The following SEMA6D variants were observed in gnomAD, a reference collection of about 807,000 sequenced individuals.
The protein encoded by SEMA6D is semaphorin-6D.
In SEMA6D, 35 loss-of-function variants were observed where a neutral mutation model predicts 106.6. The ratio of observed to expected loss-of-function variants is 0.33; its 90% CI spans 0.25 to 0.44. The LOEUF is 0.44. Among genes scored for constraint, SEMA6D ranks in the 20% least tolerant of loss-of-function variants. The pLI, the probability that SEMA6D is intolerant of heterozygous loss-of-function variation, is 1.00. For synonymous variants in SEMA6D, 499 were observed against 487.7 expected (o/e 1.02, Z -0.31); for missense variants, 1,185 against 1,345.9 (o/e 0.88, Z 1.87).
intron 1 of SEMA6D, chr15:47,730,560 C>T: frequency 7.2e-7 from 1 of 1,393,092 alleles, no homozygotes; most frequent in East Asian, 2.3e-5. Context: ...TTCGTGGGGA[C>T]ATCCCCTTTG....
chr15:47,311,297 T>C (rs72623950), intron 1 of SEMA6D, among the ~76,000 whole-genome samples: 9,384 of 152,222 alleles, frequency 0.062, 1,246 homozygotes, highest in East Asian at 0.6. Context: ...TTGTGAGAGC[T>C]CACATCAGGT....
chr15:47,433,252 C>T (rs2041595921), intron 2 of SEMA6D, among the ~76,000 whole-genome samples: 1 of 151,936 alleles, frequency 6.6e-6, no homozygotes, highest in Admixed American at 6.6e-5. Flanking sequence ...TTGAATTGGG[C>T]TCTTCAATTA....
chr15:47,566,668 T>C (rs1203600166), intron 3 of SEMA6D, among the ~76,000 whole-genome samples: 2 of 152,198 alleles, frequency 1.3e-5, no homozygotes, highest in African/African-American at 2.4e-5. Flanking sequence ...CACTTACAGA[T>C]TGCATGACTG....
intron 2 of SEMA6D, among the ~76,000 whole-genome samples, chr15:47,436,342 A>T (rs1342546465): frequency 4.0e-5 from 6 of 151,718 alleles, no homozygotes; most frequent in Non-Finnish European, 7.4e-5. Flanking sequence ...ATGAGCTGAG[A>T]TTATGCCATT....
At chr15:47,758,070 G>A (rs2147586056) in intron 1 of SEMA6D, among the ~76,000 whole-genome samples, 2 of 152,300 alleles carry the variant, frequency 1.3e-5, no homozygotes, top group South Asian at 2.1e-4. Flanking sequence ...AATGATGCCA[G>A]CACAGTTTCC....
chr15:47,617,953 G>C (rs1014936722), intron 4 of SEMA6D, among the ~76,000 whole-genome samples: 1 of 152,142 alleles, frequency 6.6e-6, no homozygotes, highest in African/African-American at 2.4e-5. Context: ...AAGATGTCTC[G>C]TCTAATTCCT....
rs141918693 is a variant in SEMA6D at position 47,227,419 on chromosome 15, C to CTCTCTCTTTCTTTCTT, written c.-239+43004_-239+43005insCTCTTTCTTTCTTTCT. ...TTCTACCTTATGTCTTTCTTTCTTT[C>CTCTCTCTTTCTTTCTT]TCTTTCTTTCTTTCTTTCTTTTCTT... On this transcript the variant is annotated intron_variant, in intron 1 of 19. Coordinates refer to the SEMA6D transcript ENST00000558014. 5.9e-4 allele frequency among the ~76,000 whole-genome samples: 68 copies of CTCTCTCTTTCTTTCTT among 115,424 alleles called. 2 individuals are homozygous for CTCTCTCTTTCTTTCTT. The highest frequency in any genetic ancestry group is 4.7e-3 in the South Asian group (17 of 3,584). 75.7% of individuals were successfully genotyped at this position (115,424 alleles called of 152,430 possible).
chr15:47,196,530 G>A (rs1364598392), intron 1 of SEMA6D, among the ~76,000 whole-genome samples: 1 of 152,104 alleles, frequency 6.6e-6, no homozygotes, highest in East Asian at 1.9e-4. Flanking sequence ...TCAGAAATTT[G>A]GTTTGCTGTA....
intron 1 of SEMA6D, among the ~76,000 whole-genome samples, chr15:47,195,585 G>A (rs1383422587): frequency 1.3e-5 from 2 of 152,116 alleles, no homozygotes; most frequent in Non-Finnish European, 1.5e-5. Flanking sequence ...CTTACCAGAT[G>A]TCAAAACCAC....
chr15:47,380,058 G>T (rs1481725646), intron 1 of SEMA6D, among the ~76,000 whole-genome samples: 1 of 152,066 alleles, frequency 6.6e-6, no homozygotes, highest in Non-Finnish European at 1.5e-5. Flanking sequence ...GCCCGGCCAA[G>T]ATTTTATTCT....
intron 3 of SEMA6D, among the ~76,000 whole-genome samples, chr15:47,505,435 C>A (rs1816182740): frequency 1.3e-5 from 2 of 152,150 alleles, no homozygotes; most frequent in African/African-American, 2.4e-5. Flanking sequence ...TGGCTTAGAC[C>A]TTCCGTAAAC....
chr15:47,609,790 G>T (rs145584445), intron 4 of SEMA6D, among the ~76,000 whole-genome samples: 1 of 152,090 alleles, frequency 6.6e-6, no homozygotes, highest in African/African-American at 2.4e-5. Flanking sequence ...AGGTGATACC[G>T]CATGTGTACT....
At chr15:47,733,019 C>T (rs1243390548) in intron 1 of SEMA6D, among the ~76,000 whole-genome samples, 4 of 152,154 alleles carry the variant, frequency 2.6e-5, no homozygotes, top group Non-Finnish European at 4.4e-5. Flanking sequence ...GATGCTAACT[C>T]GATTCTCTTC....
At chr15:47,555,073 A>T (rs920589638) in intron 3 of SEMA6D, among the ~76,000 whole-genome samples, 2 of 152,194 alleles carry the variant, frequency 1.3e-5, no homozygotes, top group African/African-American at 4.8e-5. Flanking sequence ...ATGTTCAGAG[A>T]ATGGATATAC....
At chr15:47,425,165 CTT>C (rs2041290648) in intron 2 of SEMA6D, among the ~76,000 whole-genome samples, 1 of 152,014 alleles carries the variant, frequency 6.6e-6, no homozygotes, top group South Asian at 2.1e-4. Flanking sequence ...GACTTTTAGT[CTT>C]TTCTCTTCTC....
intron 1 of SEMA6D, among the ~76,000 whole-genome samples, chr15:47,746,386 T>C (rs1270193614): frequency 6.6e-6 from 1 of 152,244 alleles, no homozygotes; most frequent in Non-Finnish European, 1.5e-5. Context: ...CTGCACTGGC[T>C]TCACTACTCC....
chr15:47,307,713 AAG>A (rs1242871631), intron 1 of SEMA6D, among the ~76,000 whole-genome samples: 3 of 152,292 alleles, frequency 2.0e-5, no homozygotes, highest in African/African-American at 7.2e-5. Flanking sequence ...CAATGAGGAA[AAG>A]AGAGCAATTT....
At chr15:47,269,282 TA>T (rs1465579439) in intron 1 of SEMA6D, among the ~76,000 whole-genome samples, 1 of 151,998 alleles carries the variant, frequency 6.6e-6, no homozygotes, top group Non-Finnish European at 1.5e-5. Flanking sequence ...GTGTTTATAT[TA>T]ATCCTATTTT....
At chr15:47,641,582 G>T (rs1010955741) in intron 4 of SEMA6D, among the ~76,000 whole-genome samples, 1 of 152,176 alleles carries the variant, frequency 6.6e-6, no homozygotes, top group African/African-American at 2.4e-5. Flanking sequence ...GAAGTTTGGG[G>T]AAATGTGGCT....
Sources: gnomAD v4.1 joint callset for allele counts (sites outside exome capture counted in the v4.1 genomes callset) on GRCh38, gnomAD v4.1.1 for gene constraint, MANE v1.5 for transcripts, NCBI Gene and HGNC (gene_info 2026-07-23, HGNC 2026-07-21) for gene names.